The following ZNF451 variants were observed in gnomAD, a reference collection of about 807,000 sequenced individuals.
ZNF451 encodes E3 SUMO-protein ligase ZNF451.
Under a neutral mutation model 107.1 loss-of-function variants are expected in ZNF451, and 80 were observed. The observed-to-expected ratio is 0.75, with a 90% CI of 0.62 to 0.90. ZNF451 has a LOEUF of 0.90. ZNF451 is among the 40% of genes least tolerant of loss of function. The pLI is 0.00. For missense variants in ZNF451, 1,107 were observed against 1,236.2 expected (o/e 0.90, Z 1.57); for synonymous variants, 362 against 406.5 (o/e 0.89, Z 1.32).
intron 3 of ZNF451, chr6:57,101,556 C>T (rs755789779): frequency 8.2e-5 from 127 of 1,550,800 alleles, no homozygotes; most frequent in Non-Finnish European, 9.4e-5. Flanking sequence ...GGTTTTACCA[C>T]GCTGCCTCCA....
intron 7 of ZNF451, among the ~76,000 whole-genome samples, chr6:57,135,162 G>A (rs1445051258): frequency 6.6e-6 from 1 of 152,118 alleles, no homozygotes; most frequent in Non-Finnish European, 1.5e-5. Context: ...CACTTGATGA[G>A]AACCAGAACC....
chr6:57,132,451 G>A (rs1176933613), intron 5 of ZNF451, among the ~76,000 whole-genome samples: 1 of 152,206 alleles, frequency 6.6e-6, no homozygotes, highest in Admixed American at 6.5e-5. Flanking sequence ...TGGGCACAGT[G>A]TCTCATGCCT....
At chr6:57,099,223 A>T (rs1266180473) in intron 3 of ZNF451, 82 bp downstream of exon 3, 1 of 1,143,876 alleles carries the variant, frequency 8.7e-7, no homozygotes, top group Non-Finnish European at 1.3e-6. Flanking sequence ...CAAATCAGGG[A>T]AGGCTGTGTT....
At chr6:57,097,240 T>G (rs1359153042) in intron 2 of ZNF451, among the ~76,000 whole-genome samples, 1 of 152,226 alleles carries the variant, frequency 6.6e-6, no homozygotes, top group Admixed American at 6.5e-5. Context: ...GCCCTCTTGT[T>G]TTATCTTGGT....
Position 57,103,616 on chromosome 6 carries a change from C to G in ZNF451, c.186+4475C>G. ...AAATTTGAGGGGTCTGAATACATCA[C>G]CTAGTATTATTTGCTTGGCAGCCAA... is the stretch of plus-strand genomic sequence containing the variant. On this transcript the variant is annotated intron_variant, in intron 3 of 14. Transcript: ENST00000370706. The G allele has an allele frequency of 3.0e-6, 3 of 985,304 alleles. No individual in the cohort carries two copies. The South Asian group carries it at 1.4e-4, about 46-fold the overall frequency. 61.0% of individuals were successfully genotyped at this position (985,304 alleles called of 1,614,324 possible). A position where few individuals can be genotyped will look rare whatever the true frequency, so the allele number is the denominator to read the frequency against.
intron 9 of ZNF451, 96 bp downstream of exon 9, chr6:57,142,191 T>TAA: frequency 7.2e-7 from 1 of 1,396,620 alleles, no homozygotes; most frequent in Non-Finnish European, 9.6e-7. Flanking sequence ...TCTCTCCTTT[T>TAA]AAAATGAGAA....
intron 8 of ZNF451, 45 bp from the exon 9 acceptor site, chr6:57,141,903 T>G: frequency 1.9e-6 from 3 of 1,566,240 alleles, no homozygotes; most frequent in Non-Finnish European, 2.6e-6. Context: ...TGGGTTACTC[T>G]GTACTCAAAT....
Position 57,090,434 on chromosome 6 carries a change from G to C in ZNF451, c.21+160G>C, listed in dbSNP as rs1227763731. On this transcript the variant is annotated intron_variant, in intron 1 of 14. Transcript: ENST00000370706. ...TCTGGGGCCTGGTGCGTGTCTGAGC[G>C]AGGAACCCGCAGCAACAATGGCCGC... 5.4e-4 allele frequency among the ~76,000 whole-genome samples: 75 copies of C among 138,924 alleles called. 1 individual carries two copies. Among genetic ancestry groups the C allele is most frequent in the Non-Finnish European group, 9.4e-4 (60 of 64,166 alleles). The allele number at this position is 138,924 out of a possible 152,430, so 91.1% of individuals were successfully genotyped here.
At chr6:57,105,922 A>G (rs1829832040) in intron 3 of ZNF451, 2 of 985,102 alleles carry the variant, frequency 2.0e-6, no homozygotes, top group Non-Finnish European at 2.4e-6. Context: ...CAGCTTCTTT[A>G]TCAATCAGTA....
At chr6:57,153,398 C>A (rs1462840611) in intron 12 of ZNF451, among the ~76,000 whole-genome samples, 4 of 149,472 alleles carry the variant, frequency 2.7e-5, no homozygotes, top group Admixed American at 2.7e-4. Context: ...CGAGTTCTTT[C>A]TTTCTCTCTT....
intron 3 of ZNF451, chr6:57,115,026 T>C (rs1830298471): frequency 6.6e-6 from 1 of 152,166 alleles, no homozygotes; most frequent in East Asian, 1.9e-4. Flanking sequence ...TTGGGAGGCC[T>C]AGATGGGAGG....
intron 2 of ZNF451, among the ~76,000 whole-genome samples, chr6:57,096,467 T>TGAGCCAC (rs1829319790): frequency 6.6e-6 from 1 of 152,072 alleles, no homozygotes; most frequent in African/African-American, 2.4e-5. Context: ...ATTACAGGCA[T>TGAGCCAC]GAGCCACCGT....
At chr6:57,124,893 T>C in intron 4 of ZNF451, 34 bp downstream of exon 4, 1 of 1,313,140 alleles carries the variant, frequency 7.6e-7, no homozygotes, top group Non-Finnish European at 9.9e-7. Flanking sequence ...TTTATATAAT[T>C]AAAAAATTAT....
At chr6:57,117,296 G>A (rs1295047850) in intron 3 of ZNF451, among the ~76,000 whole-genome samples, 2 of 148,886 alleles carry the variant, frequency 1.3e-5, no homozygotes, top group African/African-American at 2.5e-5. Flanking sequence ...AGCTTCATAC[G>A]GGCACTCAAA....
chr6:57,148,557 A>T lies in ZNF451; in HGVS notation c.2472A>T (p.Gly824=), dbSNP rs1832197533. The change falls in exon 10 of 15, where the codon GGA becomes GGT. Residue 824 remains glycine, a synonymous_variant. Transcript: ENST00000370706. ...AGAAACCCAGTGTGGCTCATTTTGG[A>T]TCTGAAAAATCAAACCTGTACAAGT... ...FLQKPSVAHF[G]SEKSNLYKFT... is the part of the protein sequence containing the mutation. The T allele has an allele frequency of 1.2e-6, 2 of 1,614,158 alleles. No individual in the cohort carries two copies. Among genetic ancestry groups the T allele is most frequent in the Non-Finnish European group, 1.7e-6 (2 of 1,179,988 alleles).
At chr6:57,108,324 C>T in intron 3 of ZNF451, 8 of 985,382 alleles carry the variant, frequency 8.1e-6, no homozygotes, top group Admixed American at 6.1e-5. Flanking sequence ...TTAAGGGCTA[C>T]AGTTAGACCT....
chr6:57,106,194 A>T, intron 3 of ZNF451: 1 of 985,416 alleles, frequency 1.0e-6, no homozygotes, highest in African/African-American at 1.7e-5. Flanking sequence ...ATGTGGATGG[A>T]CATGACATTC....
At chr6:57,165,037 A>G (rs1763834671) in intron 14 of ZNF451, 1 of 152,134 alleles carries the variant, frequency 6.6e-6, no homozygotes, top group Non-Finnish European at 1.5e-5. Flanking sequence ...CTTTAGGAAT[A>G]GTTTTGTCAG....
Position 57,099,074 on chromosome 6 carries a change from G to T in ZNF451, c.119G>T (p.Arg40Leu). Residue 40 changes from arginine (R) to leucine (L), a missense_variant, in exon 3 of 15, where the codon CGA becomes CTA. Around this residue, in one of 5 missense-constraint regions of ZNF451, gnomAD observed 339 missense variants for 372.8 expected, o/e 0.91. Coordinates refer to ENST00000370706, the MANE Select transcript of ZNF451 (RefSeq NM_001031623.3). Reference sequence around the variant, plus strand: ...GATTGTTTATAGGAAGGACCATTACGACCTGTTCTTGAATACATTGATCTG... The same window carrying T: ...GATTGTTTATAGGAAGGACCATTACTACCTGTTCTTGAATACATTGATCTG... ...DIQFVSEGPLRPVLEYIDLVS... is the reference protein window; with the variant it reads ...DIQFVSEGPLLPVLEYIDLVS... 6.2e-7 allele frequency: 1 copy of T among 1,613,498 alleles called. No homozygotes were observed. Among genetic ancestry groups the T allele is most frequent in the African/African-American group, 1.3e-5 (1 of 75,016 alleles).
Sources: allele counts gnomAD v4.1 joint callset (sites outside exome capture counted in the v4.1 genomes callset), GRCh38; gene constraint gnomAD v4.1.1; regional missense constraint gnomAD v4.1.1; transcripts MANE v1.5; gene names NCBI Gene and HGNC (gene_info 2026-07-23, HGNC 2026-07-21).